The following RIC8B variants were observed in gnomAD, a reference collection of about 807,000 sequenced individuals.
RIC8B encodes the protein chaperone Ric-8B.
In RIC8B, 16 loss-of-function variants were observed where a neutral mutation model predicts 57.5. The ratio of observed to expected loss-of-function variants is 0.28; its 90% CI spans 0.19 to 0.42. The LOEUF is 0.42. RIC8B is among the 10% of genes least tolerant of loss of function. RIC8B has a pLI of 1.00. For missense variants in RIC8B, 481 were observed against 677.0 expected (o/e 0.71, Z 3.21); for synonymous variants, 216 against 250.8 (o/e 0.86, Z 1.31).
In RIC8B at chr12:106,888,259, TG is replaced by T. The variant is rs1334392397; in HGVS notation, c.*2247del. 3.3e-5 allele frequency: 5 copies of T among 152,248 alleles called. No homozygotes were observed. The highest frequency in any genetic ancestry group is 5.9e-5 in the Non-Finnish European group (4 of 68,038). The allele number at this position is 152,248 out of a possible 1,614,324, so 9.4% of individuals were successfully genotyped here. On this transcript the variant is annotated 3_prime_UTR_variant, in exon 10 of 10. Transcript: ENST00000392837. ...TGTTTCATTTTGCATTTCTCTGCAC[TG>T]GGCACTAAGCTTTGTTTTTGAAAAG...
chr12:106,822,568 C>T (rs549330351), intron 3 of RIC8B: 19 of 152,218 alleles, frequency 1.2e-4, no homozygotes, highest in Admixed American at 5.2e-4. Flanking sequence ...TATAGCAGTG[C>T]TTTCTTAACC....
At position 106,819,736 on chromosome 12, in the gene RIC8B, G is replaced by GAA. The variant is rs555149043; in HGVS notation, c.741+4448_741+4449dup. Among the ~76,000 whole-genome samples the GAA allele has an allele frequency of 5.1e-4, 43 of 84,888 alleles. 1 individual carries two copies. In the East Asian group the frequency reaches 0.011, roughly 21 times the overall value. 55.7% of individuals were successfully genotyped at this position (84,888 alleles called of 152,430 possible). ...TCCCGCCTGGGTAACAGCGTCTCAG[G>GAA]AAAAAAAAAAAAAAAAAGAGGAGGA... On this transcript the variant is annotated intron_variant, in intron 3 of 9. Coordinates refer to ENST00000392837, the MANE Select transcript of RIC8B (RefSeq NM_001330145.2).
intron 4 of RIC8B, among the ~76,000 whole-genome samples, chr12:106,831,631 C>T (rs962510230): frequency 6.6e-6 from 1 of 152,222 alleles, no homozygotes; most frequent in Admixed American, 6.5e-5. Flanking sequence ...AGCCTGACAT[C>T]TGGATTAAAT....
chr12:106,870,284 T>A (rs1419947565), intron 8 of RIC8B, among the ~76,000 whole-genome samples: 2 of 152,196 alleles, frequency 1.3e-5, no homozygotes, highest in African/African-American at 4.8e-5. Flanking sequence ...AAATTGTTCT[T>A]CTGCTTTATC....
intron 9 of RIC8B, chr12:106,878,838 C>G: frequency 1.7e-5 from 4 of 228,590 alleles, no homozygotes; most frequent in Non-Finnish European, 2.8e-5. Flanking sequence ...CCCCCCTTTT[C>G]TTCTTTTCTA....
intron 8 of RIC8B, among the ~76,000 whole-genome samples, chr12:106,868,686 G>GAT (rs1950242110): frequency 6.6e-6 from 1 of 151,298 alleles, no homozygotes; most frequent in Admixed American, 6.6e-5. Flanking sequence ...GCCTCTAACT[G>GAT]GAGGCCTTTT....
chr12:106,881,534 C>T (rs1950934119), intron 9 of RIC8B, among the ~76,000 whole-genome samples: 1 of 152,038 alleles, frequency 6.6e-6, no homozygotes, highest in Non-Finnish European at 1.5e-5. Flanking sequence ...CTGTGGTCAG[C>T]ATCCCTGTCT....
intron 9 of RIC8B, among the ~76,000 whole-genome samples, chr12:106,882,832 T>TG (rs1332210744): frequency 6.6e-6 from 1 of 152,052 alleles, no homozygotes; most frequent in Non-Finnish European, 1.5e-5. Flanking sequence ...TCCATTTTAG[T>TG]GGGGGTTGAT....
intron 9 of RIC8B, among the ~76,000 whole-genome samples, chr12:106,876,684 T>C (rs1476014577): frequency 6.6e-6 from 1 of 152,164 alleles, no homozygotes; most frequent in African/African-American, 2.4e-5. Context: ...TCTTTAGATC[T>C]GTAGTGGGAC....
At chr12:106,852,472 A>G (rs549237155) in intron 7 of RIC8B, among the ~76,000 whole-genome samples, 164 of 152,346 alleles carry the variant, frequency 1.1e-3, no homozygotes, top group African/African-American at 3.4e-3. Flanking sequence ...TATTGATCCA[A>G]CCACTTAAGT....
At chr12:106,870,780 A>C in intron 8 of RIC8B, 43 bp from the exon 9 acceptor site, 1 of 1,416,778 alleles carries the variant, frequency 7.1e-7, no homozygotes, top group Non-Finnish European at 9.3e-7. Context: ...TAGAAAGAGC[A>C]TAATTTTAAA....
intron 1 of RIC8B, among the ~76,000 whole-genome samples, chr12:106,775,782 G>T (rs1315596412): frequency 1.3e-5 from 2 of 152,174 alleles, no homozygotes; most frequent in Non-Finnish European, 1.5e-5. Flanking sequence ...TGGTTTAGAA[G>T]ACTGCTTTAT....
chr12:106,850,099 C>T lies in RIC8B; in HGVS notation c.1162-1351C>T, dbSNP rs544452796. On this transcript the variant is annotated intron_variant, in intron 6 of 9. Transcript: ENST00000392837. ...TCTCATAGGAGCACAAACACTATTGCGAACTGCACATGCAAGGGATCTAGG... is the reference window on the plus strand; with the variant it reads ...TCTCATAGGAGCACAAACACTATTGTGAACTGCACATGCAAGGGATCTAGG... Among the ~76,000 whole-genome samples, 76 of 152,266 alleles carry T rather than the reference C, an allele frequency of 5.0e-4. 1 individual carries two copies. The highest frequency in any genetic ancestry group is 8.8e-4 in the Non-Finnish European group (60 of 68,014).
At chr12:106,833,025 A>G (rs1053579856) in intron 4 of RIC8B, among the ~76,000 whole-genome samples, 1 of 151,984 alleles carries the variant, frequency 6.6e-6, no homozygotes, top group Non-Finnish European at 1.5e-5. Flanking sequence ...CTTTTATCGG[A>G]TCTTTGTCAC....
chr12:106,847,888 C>A (rs1949279424), intron 6 of RIC8B, among the ~76,000 whole-genome samples: 1 of 152,122 alleles, frequency 6.6e-6, no homozygotes. Flanking sequence ...CATTAAACAC[C>A]TGTAATATGC....
intron 2 of RIC8B, among the ~76,000 whole-genome samples, chr12:106,803,814 C>T (rs1372725956): frequency 6.6e-6 from 1 of 152,098 alleles, no homozygotes; most frequent in African/African-American, 2.4e-5. Context: ...AACAAGCCAC[C>T]TTTAAAATGT....
chr12:106,819,051 C>T (rs920259809), intron 3 of RIC8B, among the ~76,000 whole-genome samples: 3 of 152,218 alleles, frequency 2.0e-5, no homozygotes, highest in Non-Finnish European at 4.4e-5. Flanking sequence ...AAGTGTCAGC[C>T]ACTGCGCCCA....
chr12:106,799,117 A>C (rs2044615599), intron 2 of RIC8B, among the ~76,000 whole-genome samples: 1 of 152,254 alleles, frequency 6.6e-6, no homozygotes, highest in South Asian at 2.1e-4. Context: ...ACACTGTAGA[A>C]TCTATAGAAT....
intron 4 of RIC8B, among the ~76,000 whole-genome samples, chr12:106,834,967 G>A (rs189485789): frequency 8.2e-6 from 1 of 122,602 alleles, no homozygotes; most frequent in African/African-American, 3.2e-5. Flanking sequence ...CTGGGCGACA[G>A]AGCGAGACTC....
Sources: allele counts gnomAD v4.1 joint callset (sites outside exome capture counted in the v4.1 genomes callset), GRCh38; gene constraint gnomAD v4.1.1; transcripts MANE v1.5; gene names NCBI Gene and HGNC (gene_info 2026-07-23, HGNC 2026-07-21).